The following BIRC5 variants were observed in gnomAD, a reference collection of about 807,000 sequenced individuals.
The protein encoded by BIRC5 is baculoviral IAP repeat-containing protein 5.
A neutral mutation model predicts 15.8 loss-of-function variants in BIRC5; 8 were observed. The ratio of observed to expected loss-of-function variants is 0.51; its 90% confidence interval spans 0.30 to 0.91. The LOEUF (loss-of-function observed/expected upper bound fraction) is 0.91, where lower values mean the gene tolerates loss of function less well. BIRC5 is among the 40% of genes least tolerant of loss of function. The pLI is 0.07. For synonymous variants in BIRC5, 56 were observed against 64.5 expected, an observed-to-expected ratio of 0.87 and a Z score of 0.63; for missense variants, 163 against 178.6, an observed-to-expected ratio of 0.91 and a Z score of 0.50.
chr17:78,217,125 A>T (rs961808223), intron 3 of BIRC5, among the ~76,000 whole-genome samples: 3 of 148,068 alleles, frequency 2.0e-5, no homozygotes, highest in Non-Finnish European at 4.5e-5. Context: ...TGATTCGCCC[A>T]CCTTGGCCTC....
At chr17:78,216,448 G>A (rs2076478619) in intron 2 of BIRC5, 20 of 495,220 alleles carry the variant, frequency 4.0e-5, no homozygotes, top group South Asian at 4.0e-4. Flanking sequence ...ACAGATGTGG[G>A]GGGAGATGTC....
rs138842857 is a variant in BIRC5, at chr17:78,223,509, G to A, written c.384G>A (p.Ala128=). Residue 128 remains alanine, a synonymous_variant, in exon 4 of 4, where the codon GCG becomes GCA. Coordinates refer to ENST00000350051, the MANE Select transcript of BIRC5 (RefSeq NM_001168.3). ...AGAAGAAAGAATTTGAGGAAACTGC[G>A]GAGAAAGTGCGCCGTGCCATCGAGC... is the stretch of plus-strand genomic sequence containing the variant. ...NNKKKEFEET[A]EKVRRAIEQL... The A allele has an allele frequency of 2.1e-4, 339 of 1,609,404 alleles. 2 individuals carry two copies. The highest frequency in any genetic ancestry group is 3.1e-4 in the African/African-American group (23 of 74,682).
intron 3 of BIRC5, 35 bp downstream of exon 3, chr17:78,216,816 T>G (rs747318442): frequency 1.3e-6 from 2 of 1,518,764 alleles, no homozygotes; most frequent in Non-Finnish European, 1.8e-6. Context: ...TCAAACCCTG[T>G]TCAATGTCTT....
chr17:78,223,095 TTGAG>T, intron 3 of BIRC5: 24 of 1,178,836 alleles, frequency 2.0e-5, no homozygotes, highest in East Asian at 7.9e-5. Flanking sequence ...GCTGGGTACT[TTGAG>T]TGGCTCCTTC....
intron 3 of BIRC5, chr17:78,222,910 A>G: frequency 6.5e-7 from 1 of 1,535,370 alleles, no homozygotes; most frequent in Non-Finnish European, 8.7e-7. Flanking sequence ...TGTTCGAGGA[A>G]GAGCCTGATG....
chr17:78,218,560 G>C (rs184937980), intron 3 of BIRC5, among the ~76,000 whole-genome samples: 1 of 150,814 alleles, frequency 6.6e-6, no homozygotes, highest in African/African-American at 2.4e-5. Context: ...AGAGTGCTGG[G>C]ATTACAGGCA....
At chr17:78,215,978 G>T (rs752796895) in intron 2 of BIRC5, 3 of 1,064,374 alleles carry the variant, frequency 2.8e-6, no homozygotes, top group South Asian at 3.5e-5. Context: ...GGCCGGGCAC[G>T]GTGGCTTACG....
At chr17:78,216,204 G>C (rs559685844) in intron 2 of BIRC5, 2 of 151,894 alleles carry the variant, frequency 1.3e-5, no homozygotes, top group African/African-American at 4.9e-5. Flanking sequence ...AGCCGAGATT[G>C]CACCACTGCA....
At chr17:78,217,550 G>A (rs2076487808) in intron 3 of BIRC5, among the ~76,000 whole-genome samples, 1 of 151,884 alleles carries the variant, frequency 6.6e-6, no homozygotes, top group Non-Finnish European at 1.5e-5. Context: ...AGGCTAGAGT[G>A]CAGCGACGGG....
chr17:78,217,920 T>C (rs1030515266), intron 3 of BIRC5, among the ~76,000 whole-genome samples: 1 of 151,910 alleles, frequency 6.6e-6, no homozygotes, highest in African/African-American at 2.4e-5. Flanking sequence ...TCCTCCCAAG[T>C]AATTGGGACT....
chr17:78,218,450 TGCCTG>T lies in BIRC5; in HGVS notation c.339+1672_339+1676del, dbSNP rs530384043. On this transcript the variant is annotated intron_variant, in intron 3 of 3. Transcript: ENST00000350051. ...CTGGGACTACAGGCACGCACCACCATGCCTGGCTAATTTTTGTATTTTTAGTAGAC... is the reference window on the plus strand; with the variant it reads ...CTGGGACTACAGGCACGCACCACCATGCTAATTTTTGTATTTTTAGTAGAC... Among the ~76,000 whole-genome samples, 179 of 133,572 alleles carry T rather than the reference TGCCTG, an allele frequency of 1.3e-3. 1 individual carries two copies. The highest frequency in any genetic ancestry group is 2.4e-3 in the Non-Finnish European group (152 of 62,248). 87.6% of individuals were successfully genotyped at this position (133,572 alleles called of 152,430 possible).
At chr17:78,223,048 AGCTGGGGTGCCC>A (rs1214487051) in intron 3 of BIRC5, 2 of 587,466 alleles carry the variant, frequency 3.4e-6, no homozygotes, top group Non-Finnish European at 4.3e-6. Flanking sequence ...TGCCTAGACT[AGCTGGGGTGCCC>A]AGACTAGCTG....
At chr17:78,219,653 G>A (rs1325602291) in intron 3 of BIRC5, among the ~76,000 whole-genome samples, 1 of 152,208 alleles carries the variant, frequency 6.6e-6, no homozygotes, top group Admixed American at 6.5e-5. Flanking sequence ...CAGGTCAGGG[G>A]TCAGCCAGCT....
In BIRC5 at chr17:78,214,680, A is replaced by T. The variant is rs754619544; in HGVS notation, c.112A>T (p.Met38Leu). The change falls in exon 2 of 4, where the codon ATG (methionine) becomes TTG (leucine). Residue 38 changes from methionine (M) to leucine (L), a missense_variant and splice_region_variant. Met to Leu is a conservative substitution (Grantham distance 15, BLOSUM62 2). Transcript: ENST00000350051. ...TCACGAGCTGTGCTGTCCCTTGCAG[A>T]TGGCCGAGGCTGGCTTCATCCACTG... Reference protein sequence around the residue: ...LEGCACTPERMAEAGFIHCPT... With the variant: ...LEGCACTPERLAEAGFIHCPT... The T allele has an allele frequency of 6.2e-7, 1 of 1,600,258 alleles. No individual in the cohort carries two copies. The highest frequency in any genetic ancestry group is 8.5e-7 in the Non-Finnish European group (1 of 1,174,338).
At chr17:78,220,782 G>T (rs1332949831) in intron 3 of BIRC5, among the ~76,000 whole-genome samples, 1 of 152,130 alleles carries the variant, frequency 6.6e-6, no homozygotes, top group African/African-American at 2.4e-5. Context: ...GTGCAGTGGT[G>T]TGATCTTGGC....
chr17:78,216,535 G>T, intron 2 of BIRC5, 129 bp from the exon 3 acceptor site: 1 of 740,598 alleles, frequency 1.4e-6, no homozygotes, highest in African/African-American at 1.7e-5. Context: ...ATCAACTTCA[G>T]ACTTGACGTC....
At chr17:78,216,818 C>A in intron 3 of BIRC5, 37 bp downstream of exon 3, 2 of 1,509,820 alleles carry the variant, frequency 1.3e-6, no homozygotes, top group South Asian at 1.1e-5. Flanking sequence ...AAACCCTGTT[C>A]AATGTCTTTA....
intron 2 of BIRC5, chr17:78,215,904 G>A: frequency 6.6e-6 from 7 of 1,065,584 alleles, no homozygotes; most frequent in Non-Finnish European, 8.1e-6. Context: ...GAGAGTGTGA[G>A]CTAGGGGGTC....
chr17:78,214,714 A>G lies in BIRC5; in HGVS notation c.146A>G (p.Glu49Gly). Residue 49 changes from glutamate (E) to glycine (G), a missense_variant, in exon 2 of 4, where the codon GAG becomes GGG. By Grantham distance (98) the Glu-to-Gly change is moderately conservative. Coordinates refer to ENST00000350051, the MANE Select transcript of BIRC5 (RefSeq NM_001168.3). ...AEAGFIHCPT[E>G]NEPDLAQCFF... is the part of the protein sequence containing the mutation. Reference sequence around the variant, plus strand: ...GCTGGCTTCATCCACTGCCCCACTGAGAACGAGCCAGACTTGGCCCAGTGT... The same window carrying G: ...GCTGGCTTCATCCACTGCCCCACTGGGAACGAGCCAGACTTGGCCCAGTGT... 6.2e-7 allele frequency: 1 copy of G among 1,611,092 alleles called. No homozygotes were observed.
Sources: allele counts gnomAD v4.1 joint callset (sites outside exome capture counted in the v4.1 genomes callset), GRCh38; gene constraint gnomAD v4.1.1; transcripts MANE v1.5; gene names NCBI Gene and HGNC (gene_info 2026-07-23, HGNC 2026-07-21).